Variants in TMEM135 observed in about 807,000 individuals in gnomAD.
The protein encoded by TMEM135 is peroxisomal membrane protein 52.
Under a neutral mutation model 60.3 loss-of-function variants are expected in TMEM135, and 30 were observed. The ratio of observed to expected loss-of-function variants is 0.50; its 90% CI spans 0.37 to 0.68. TMEM135 has a LOEUF of 0.68. Among genes scored for constraint, TMEM135 ranks in the 30% least tolerant of loss-of-function variants. The pLI is 0.00. For synonymous variants in TMEM135, 190 were observed against 186.7 expected (o/e 1.02, Z -0.14); for missense variants, 468 against 548.8 (o/e 0.85, Z 1.47).
At chr11:87,108,738 C>T (rs556721052) in intron 4 of TMEM135, among the ~76,000 whole-genome samples, 14 of 152,198 alleles carry the variant, frequency 9.2e-5, no homozygotes, top group Middle Eastern at 6.8e-3. Context: ...GTTTGTTGTG[C>T]TTCCATTTTT....
At chr11:87,063,658 G>C (rs1296333059) in intron 1 of TMEM135, among the ~76,000 whole-genome samples, 3 of 152,166 alleles carry the variant, frequency 2.0e-5, no homozygotes, top group African/African-American at 7.2e-5. Flanking sequence ...CTTGTGTCTG[G>C]CCTGGCTAAC....
At chr11:87,159,400 C>CAG (rs1938798913) in intron 5 of TMEM135, among the ~76,000 whole-genome samples, 1 of 151,902 alleles carries the variant, frequency 6.6e-6, no homozygotes, top group Non-Finnish European at 1.5e-5. Flanking sequence ...TTTTGGTTCT[C>CAG]AGGAAATTTG....
intron 4 of TMEM135, among the ~76,000 whole-genome samples, chr11:87,155,218 C>T (rs604199): frequency 0.37 from 55,958 of 151,988 alleles, 10,843 homozygotes; most frequent in East Asian, 0.67. Context: ...AGGCTGGTCT[C>T]GAACTCCTGA....
intron 6 of TMEM135, among the ~76,000 whole-genome samples, chr11:87,249,770 T>C (rs1174615389): frequency 6.6e-6 from 1 of 152,142 alleles, no homozygotes; most frequent in Non-Finnish European, 1.5e-5. Context: ...TATTGACCTG[T>C]AGTTTTCTTT....
At chr11:87,198,221 A>T (rs1050177318) in intron 5 of TMEM135, among the ~76,000 whole-genome samples, 1 of 152,152 alleles carries the variant, frequency 6.6e-6, no homozygotes, top group Non-Finnish European at 1.5e-5. Flanking sequence ...AAAGTTTTTT[A>T]GTTCCCATAT....
rs188853642 is a variant in TMEM135 at position 87,126,166 on chromosome 11, C to T, written c.397-31175C>T. The stretch of plus-strand genomic sequence containing the variant: ...GGTTATGGGCTTGAGCCACTATGCC[C>T]GGCCTACAATACCTGTATTTTAATT... On this transcript the variant is annotated intron_variant, in intron 4 of 14. Coordinates refer to ENST00000305494, the MANE Select transcript of TMEM135 (RefSeq NM_022918.4). Among the ~76,000 whole-genome samples the T allele has an allele frequency of 7.9e-5, 12 of 152,080 alleles. 1 individual carries two copies. The highest frequency in any genetic ancestry group is 1.6e-4 in the Non-Finnish European group (11 of 68,022).
Position 87,178,476 on chromosome 11 carries a change from C to A in TMEM135, c.462+21070C>A, listed in dbSNP as rs539035161. The stretch of plus-strand genomic sequence containing the variant: ...TTTGAGATGGAGTCTCACTGTCTTC[C>A]CCAGGCTGGAGTGATTTCAGCTCCC... On this transcript the variant is annotated intron_variant, in intron 5 of 14. Coordinates refer to ENST00000305494, the MANE Select transcript of TMEM135 (RefSeq NM_022918.4). The A allele has an allele frequency of 1.1e-5, 5 of 456,016 alleles. No homozygotes were observed. In the East Asian group the frequency reaches 3.5e-4, roughly 32 times the overall value. The allele number at this position is 456,016 out of a possible 1,614,324, so 28.2% of individuals were successfully genotyped here.
chr11:87,115,404 A>G (rs1857854853), intron 4 of TMEM135, among the ~76,000 whole-genome samples: 1 of 152,152 alleles, frequency 6.6e-6, no homozygotes, highest in African/African-American at 2.4e-5. Flanking sequence ...ATTTTAAAAA[A>G]GTAAAATAAA....
At chr11:87,061,069 G>A (rs7943177) in intron 1 of TMEM135, among the ~76,000 whole-genome samples, 2,538 of 152,244 alleles carry the variant, frequency 0.017, 67 homozygotes, top group East Asian at 0.061. Flanking sequence ...TAGTTGTGGG[G>A]TAAAGATTGT....
At chr11:87,258,798 T>C (rs532458394) in intron 6 of TMEM135, 3 of 575,172 alleles carry the variant, frequency 5.2e-6, no homozygotes, top group East Asian at 6.0e-5. Flanking sequence ...TCAAACACAA[T>C]TGAATTTCTG....
rs996766681 is a variant in TMEM135, at chr11:87,246,396, C to T, written c.509+9712C>T. 6.6e-4 allele frequency among the ~76,000 whole-genome samples: 100 copies of T among 151,802 alleles called. No individual in the cohort carries two copies. The Middle Eastern group carries it at 0.014, about 21-fold the overall frequency. On this transcript the variant is annotated intron_variant, in intron 6 of 14. Transcript: ENST00000305494. The stretch of plus-strand genomic sequence containing the variant: ...TGTATTTCCTGAATCTGAATGTTGG[C>T]CTGCCTTGCTAGATTGGGGAAGTTC...
chr11:87,151,463 C>T (rs1038164307), intron 4 of TMEM135, among the ~76,000 whole-genome samples: 6 of 151,848 alleles, frequency 4.0e-5, no homozygotes, highest in Admixed American at 1.3e-4. Flanking sequence ...TTATTTCTTC[C>T]ACATTTCTTT....
At chr11:87,076,458 A>T (rs565712217) in intron 3 of TMEM135, among the ~76,000 whole-genome samples, 2 of 152,214 alleles carry the variant, frequency 1.3e-5, no homozygotes, top group Non-Finnish European at 1.5e-5. Context: ...GGCCTAGGGT[A>T]GGTTCAGAAA....
intron 4 of TMEM135, among the ~76,000 whole-genome samples, chr11:87,112,442 T>C (rs1237008177): frequency 6.6e-6 from 1 of 152,180 alleles, no homozygotes; most frequent in African/African-American, 2.4e-5. Context: ...ATCATTTGTA[T>C]GTGTTTCTTT....
At chr11:87,064,782 A>C (rs1277457166) in intron 1 of TMEM135, among the ~76,000 whole-genome samples, 1 of 152,078 alleles carries the variant, frequency 6.6e-6, no homozygotes, top group Non-Finnish European at 1.5e-5. Context: ...TACTTGGGAG[A>C]TTGAGGCAGG....
intron 5 of TMEM135, among the ~76,000 whole-genome samples, chr11:87,181,410 G>A (rs1366738986): frequency 6.6e-6 from 1 of 152,134 alleles, no homozygotes; most frequent in African/African-American, 2.4e-5. Flanking sequence ...AAAAAATACT[G>A]AAGAAATAAT....
intron 3 of TMEM135, among the ~76,000 whole-genome samples, chr11:87,091,093 A>T (rs1355615326): frequency 6.6e-6 from 1 of 152,054 alleles, no homozygotes; most frequent in African/African-American, 2.4e-5. Context: ...ACAAATAACA[A>T]TGGGGAAATA....
rs190301130 is a variant in TMEM135 at position 87,323,918 on chromosome 11, G to A, written c.*2585G>A. The A allele has an allele frequency of 2.5e-4, 112 of 453,632 alleles. 1 individual carries two copies. The East Asian group carries it at 6.4e-3, about 26-fold the overall frequency. The allele number at this position is 453,632 out of a possible 1,614,324, so 28.1% of individuals were successfully genotyped here. A position where few individuals can be genotyped will look rare whatever the true frequency, so the allele number is the denominator to read the frequency against. On this transcript the variant is annotated 3_prime_UTR_variant, in exon 15 of 15. Coordinates refer to ENST00000305494, the MANE Select transcript of TMEM135 (RefSeq NM_022918.4). ...ACTTTTTTCTTGAACTATAAGCATAGTCATCACTCAGTTGATATCTAGTTT... is the reference window on the plus strand; with the variant it reads ...ACTTTTTTCTTGAACTATAAGCATAATCATCACTCAGTTGATATCTAGTTT...
intron 5 of TMEM135, among the ~76,000 whole-genome samples, chr11:87,197,220 C>A (rs1939980615): frequency 6.6e-6 from 1 of 151,978 alleles, no homozygotes; most frequent in Admixed American, 6.5e-5. Flanking sequence ...GCATTTTGTA[C>A]ATAATTCTAT....
Sources: allele counts gnomAD v4.1 joint callset (sites outside exome capture counted in the v4.1 genomes callset), GRCh38; gene constraint gnomAD v4.1.1; transcripts MANE v1.5; gene names NCBI Gene and HGNC (gene_info 2026-07-23, HGNC 2026-07-21).